The following KCNIP4 variants were observed in gnomAD, a reference collection of about 807,000 sequenced individuals.
KCNIP4 encodes the protein Kv channel-interacting protein 4.
Under a neutral mutation model 34.0 loss-of-function variants are expected in KCNIP4, and 12 were observed. That is an observed-to-expected ratio of 0.35 (90% CI 0.23 to 0.57). The LOEUF is 0.57. Ranked by LOEUF, KCNIP4 falls within the 20% of genes least tolerant of loss-of-function variation. KCNIP4 has a pLI of 0.83. For synonymous variants in KCNIP4, 124 were observed against 102.2 expected, an observed-to-expected ratio of 1.21 and a Z score of -1.29; for missense variants, 238 against 311.7, an observed-to-expected ratio of 0.76 and a Z score of 1.78.
intron 1 of KCNIP4, among the ~76,000 whole-genome samples, chr4:21,839,977 C>G (rs557236536): frequency 3.2e-4 from 48 of 152,060 alleles, no homozygotes; most frequent in African/African-American, 1.1e-3. Context: ...TCATGAATTC[C>G]AGGATAGTTG....
intron 1 of KCNIP4, among the ~76,000 whole-genome samples, chr4:21,586,729 T>C (rs1307087093): frequency 2.0e-5 from 3 of 152,028 alleles, no homozygotes; most frequent in Admixed American, 6.6e-5. Context: ...GAAGAGAAAG[T>C]ATGTTTAGCT....
At chr4:21,397,861 G>A (rs993515158) in intron 1 of KCNIP4, among the ~76,000 whole-genome samples, 1 of 150,804 alleles carries the variant, frequency 6.6e-6, no homozygotes, top group African/African-American at 2.4e-5. Flanking sequence ...GAAGATGGGT[G>A]ATGGACTATA....
At chr4:21,112,680 G>A (rs1437781958) in intron 1 of KCNIP4, among the ~76,000 whole-genome samples, 1 of 152,170 alleles carries the variant, frequency 6.6e-6, no homozygotes, top group African/African-American at 2.4e-5. Context: ...CAGATGAGTT[G>A]TGGCACTAAA....
At chr4:21,310,485 C>T (rs1713032051) in intron 1 of KCNIP4, among the ~76,000 whole-genome samples, 1 of 152,176 alleles carries the variant, frequency 6.6e-6, no homozygotes, top group Admixed American at 6.5e-5. Context: ...CTGCCTTTAA[C>T]TTCCTTTGGC....
intron 1 of KCNIP4, among the ~76,000 whole-genome samples, chr4:21,515,000 GTAT>G: frequency 6.6e-6 from 1 of 152,250 alleles, no homozygotes; most frequent in East Asian, 1.9e-4. Context: ...CTATTTCCCA[GTAT>G]TACCTAACAT....
intron 1 of KCNIP4, among the ~76,000 whole-genome samples, chr4:21,278,876 A>G (rs1201026309): frequency 6.6e-6 from 1 of 152,248 alleles, no homozygotes; most frequent in African/African-American, 2.4e-5. Context: ...ACAAGGTAGT[A>G]AATGCAATCG....
At chr4:20,802,242 C>CTATATATGCTA (rs1560475632) in intron 3 of KCNIP4, among the ~76,000 whole-genome samples, 1 of 139,746 alleles carries the variant, frequency 7.2e-6, no homozygotes, top group African/African-American at 2.7e-5. Context: ...TACATATATG[C>CTATATATGCTA]TATATATATG....
At chr4:21,229,537 T>A (rs1577922932) in intron 1 of KCNIP4, among the ~76,000 whole-genome samples, 1 of 152,324 alleles carries the variant, frequency 6.6e-6, no homozygotes, top group Non-Finnish European at 1.5e-5. Flanking sequence ...GTTCACATCT[T>A]ACCAACCTTA....
chr4:20,918,561 CT>C (rs1729071295), intron 1 of KCNIP4, among the ~76,000 whole-genome samples: 1 of 152,266 alleles, frequency 6.6e-6, no homozygotes, highest in Non-Finnish European at 1.5e-5. Flanking sequence ...TCCTTGCTCT[CT>C]CAACACATAA....
chr4:21,414,945 T>C (rs1019735489), intron 1 of KCNIP4, among the ~76,000 whole-genome samples: 1 of 152,194 alleles, frequency 6.6e-6, no homozygotes, highest in Admixed American at 6.6e-5. Context: ...ATCATTTCTT[T>C]TTTTTATGAT....
chr4:21,722,843 T>G (rs1248805012), intron 1 of KCNIP4, among the ~76,000 whole-genome samples: 1 of 152,170 alleles, frequency 6.6e-6, no homozygotes, highest in East Asian at 1.9e-4. Context: ...TGCCACTCTA[T>G]GGTTAAACAT....
chr4:21,317,650 C>T (rs2109291639), intron 1 of KCNIP4, among the ~76,000 whole-genome samples: 1 of 152,232 alleles, frequency 6.6e-6, no homozygotes, highest in East Asian at 1.9e-4. Flanking sequence ...CTTGCAGAAA[C>T]ATTTTGGAGA....
At chr4:21,026,520 G>A (rs889647253) in intron 1 of KCNIP4, among the ~76,000 whole-genome samples, 8 of 152,094 alleles carry the variant, frequency 5.3e-5, no homozygotes, top group African/African-American at 1.7e-4. Context: ...CAGGTGTGGT[G>A]GCATGTGCCT....
At chr4:21,546,937 A>G (rs1738195624) in intron 1 of KCNIP4, among the ~76,000 whole-genome samples, 1 of 152,178 alleles carries the variant, frequency 6.6e-6, no homozygotes, top group Admixed American at 6.6e-5. Flanking sequence ...TGAAATAAAG[A>G]GAAGGTATGA....
intron 1 of KCNIP4, among the ~76,000 whole-genome samples, chr4:21,394,931 G>A (rs1411599435): frequency 6.6e-6 from 1 of 151,386 alleles, no homozygotes; most frequent in Non-Finnish European, 1.5e-5. Context: ...AACATTGACT[G>A]GGCTCACAAA....
At position 20,729,702 on chromosome 4, in the gene KCNIP4, T is replaced by C. The variant is rs1445628282; in HGVS notation, c.*380A>G. ...CAGATGTCACTATATTAGAAAACCA[T>C]TCAAAATCCTAGGACTGAATACATA... On this transcript the variant is annotated 3_prime_UTR_variant, in exon 9 of 9. Transcript: ENST00000382152. 6.1e-6 allele frequency: 1 copy of C among 164,358 alleles called. No homozygotes were observed. Among genetic ancestry groups the C allele is most frequent in the African/African-American group, 2.4e-5 (1 of 41,934 alleles). The allele number at this position is 164,358 out of a possible 1,614,324, so 10.2% of individuals were successfully genotyped here.
At chr4:21,672,020 T>C (rs958777744) in intron 1 of KCNIP4, among the ~76,000 whole-genome samples, 2 of 152,170 alleles carry the variant, frequency 1.3e-5, no homozygotes, top group Non-Finnish European at 2.9e-5. Context: ...AGAGCCTGAT[T>C]GATGCTTACT....
chr4:20,846,349 C>A (rs1393307137), intron 3 of KCNIP4, among the ~76,000 whole-genome samples: 1 of 152,148 alleles, frequency 6.6e-6, no homozygotes, highest in African/African-American at 2.4e-5. Flanking sequence ...GCAGCATTGG[C>A]ATCACTATAT....
At chr4:21,197,581 T>C (rs1756147018) in intron 1 of KCNIP4, among the ~76,000 whole-genome samples, 5 of 152,022 alleles carry the variant, frequency 3.3e-5, no homozygotes, top group African/African-American at 1.2e-4. Flanking sequence ...CTGTTACTAG[T>C]TTAGTTTCCA....
Sources: allele counts gnomAD v4.1 joint callset (sites outside exome capture counted in the v4.1 genomes callset), GRCh38; gene constraint gnomAD v4.1.1; transcripts MANE v1.5; gene names NCBI Gene and HGNC (gene_info 2026-07-23, HGNC 2026-07-21).